DCSTAMP: variants seen among roughly 807,000 people sequenced by gnomAD.
The protein encoded by DCSTAMP is dendrocyte expressed seven transmembrane protein.
DCSTAMP carries 25 observed loss-of-function variants against 33.8 expected under a neutral mutation model. The ratio of observed to expected loss-of-function variants is 0.74; its 90% CI spans 0.54 to 1.03. The LOEUF (loss-of-function observed/expected upper bound fraction) is 1.03, where lower values mean the gene tolerates loss of function less well. DCSTAMP is among the 50% of genes least tolerant of loss of function. The pLI is 0.00. For missense variants in DCSTAMP, 531 were observed against 556.8 expected (o/e 0.95, Z 0.47); for synonymous variants, 245 against 216.7 (o/e 1.13, Z -1.15).
rs1253233088 is a variant in DCSTAMP, at chr8:104,348,582, C to A, written c.30C>A (p.Ile10=). MGIWTSGTD[I]FLSLWEIYVS... ...GTATCTGGACCTCAGGCACTGATAT[C>A]TTCCTAAGTCTTTGGGAGATTTACG... The change falls in exon 2 of 4, where the codon ATC becomes ATA. Residue 10 remains isoleucine (I), a synonymous_variant. Coordinates refer to ENST00000297581, the MANE Select transcript of DCSTAMP (RefSeq NM_030788.4). 3 of 1,614,114 alleles carry A rather than the reference C, an allele frequency of 1.9e-6. No individual in the cohort carries two copies. The highest frequency in any genetic ancestry group is 2.5e-6 in the Non-Finnish European group (3 of 1,179,990).
intron 3 of DCSTAMP, 24 bp downstream of exon 3, chr8:104,355,209 C>T (rs766944455): frequency 8.2e-6 from 13 of 1,584,026 alleles, no homozygotes; most frequent in Non-Finnish European, 1.0e-5. Context: ...GGTGGTGTAA[C>T]CTCCAATTGA....
chr8:104,346,661 C>T (rs66470723), intron 1 of DCSTAMP, among the ~76,000 whole-genome samples: 17,522 of 152,250 alleles, frequency 0.12, 1,083 homozygotes, highest in Admixed American at 0.16. Flanking sequence ...AACACTCAGG[C>T]TCGCCTCATA....
chr8:104,352,858 G>A (rs1810503768), intron 2 of DCSTAMP, among the ~76,000 whole-genome samples: 1 of 152,120 alleles, frequency 6.6e-6, no homozygotes, highest in Admixed American at 6.5e-5. Flanking sequence ...GCTGTGTCTG[G>A]GAGACTGTGC....
chr8:104,347,759 T>C (rs1183188167), intron 1 of DCSTAMP, among the ~76,000 whole-genome samples: 1 of 152,146 alleles, frequency 6.6e-6, no homozygotes, highest in Non-Finnish European at 1.5e-5. Context: ...CCTGGTATAA[T>C]AGGCTCAAAA....
At chr8:104,342,750 C>T (rs988360044) in intron 1 of DCSTAMP, among the ~76,000 whole-genome samples, 1 of 152,248 alleles carries the variant, frequency 6.6e-6, no homozygotes, top group African/African-American at 2.4e-5. Context: ...CACTTTTCTT[C>T]CCCATCCCTG....
At chr8:104,347,881 A>T (rs527407615) in intron 1 of DCSTAMP, among the ~76,000 whole-genome samples, 1 of 152,330 alleles carries the variant, frequency 6.6e-6, no homozygotes, top group East Asian at 1.9e-4. Flanking sequence ...ATTATCCCAG[A>T]TTATCTGGGT....
Position 104,349,715 on chromosome 8 carries a change from C to T in DCSTAMP, c.1029+134C>T, listed in dbSNP as rs914158684. 1.6e-5 allele frequency: 16 copies of T among 991,852 alleles called. No individual in the cohort carries two copies. In the East Asian group the frequency reaches 3.7e-4, roughly 23 times the overall value. 61.4% of individuals were successfully genotyped at this position (991,852 alleles called of 1,614,324 possible). A position where few individuals can be genotyped will look rare whatever the true frequency, so the allele number is the denominator to read the frequency against. On this transcript the variant is annotated intron_variant, in intron 2 of 3. Coordinates refer to ENST00000297581, the MANE Select transcript of DCSTAMP (RefSeq NM_030788.4). ...CCTTGGTGCCCAGCATAGTGCTTGG[C>T]ACATAGAAGGAACCCAACAATTGCA... is the stretch of plus-strand genomic sequence containing the variant.
At position 104,355,039 on chromosome 8, in the gene DCSTAMP, A is replaced by G. The variant is rs1413350521; in HGVS notation, c.1192A>G (p.Met398Val). ...GCTGGGACTGTTGTCCTCTATCCTTATGCAACTTAAAATCCTGGTGTCAGC... is the reference window on the plus strand; with the variant it reads ...GCTGGGACTGTTGTCCTCTATCCTTGTGCAACTTAAAATCCTGGTGTCAGC... The part of the protein sequence containing the change: ...VMLGLLSSIL[M>V]QLKILVSASF... Residue 398 changes from methionine (M) to valine (V), a missense_variant, in exon 3 of 4, where the codon ATG becomes GTG. By Grantham distance (21) the Met-to-Val change is conservative. Transcript: ENST00000297581. The G allele has an allele frequency of 1.2e-6, 2 of 1,614,110 alleles. No homozygotes were observed. The highest frequency in any genetic ancestry group is 3.3e-5 in the Admixed American group (2 of 60,010).
At position 104,355,143 on chromosome 8, in the gene DCSTAMP, G is replaced by A. The variant is rs150633288; in HGVS notation, c.1296G>A (p.Pro432=). Reference sequence around the variant, plus strand: ...TGCTTAAAAAAAGATCAAAGCAGCCGCTGGGAGAAGTCAAAAGACGGCTGA... The same window carrying A: ...TGCTTAAAAAAAGATCAAAGCAGCCACTGGGAGAAGTCAAAAGACGGCTGA... ...AKLLKKRSKQ[P]LGEVKRRLSL... The change falls in exon 3 of 4, where the codon CCG becomes CCA. Residue 432 remains proline (P), a synonymous_variant. Transcript: ENST00000297581. 7.3e-5 allele frequency: 118 copies of A among 1,613,864 alleles called. No individual in the cohort carries two copies. Among genetic ancestry groups the A allele is most frequent in the Non-Finnish European group, 3.4e-5 (40 of 1,179,996 alleles).
Position 104,340,981 on chromosome 8 carries a change from G to A in DCSTAMP, c.-13+1119G>A, listed in dbSNP as rs190567776. On this transcript the variant is annotated intron_variant, in intron 1 of 3. Transcript: ENST00000297581. ...TGTTGAGCATAAGCCATTGGCTTCT[G>A]CACAGGCAGAGTCAGAATGAACTGG... is the stretch of plus-strand genomic sequence containing the variant. Among the ~76,000 whole-genome samples the A allele has an allele frequency of 5.4e-3, 816 of 152,314 alleles. 6 individuals carry two copies. The highest frequency in any genetic ancestry group is 0.018 in the African/African-American group (735 of 41,574).
intron 3 of DCSTAMP, among the ~76,000 whole-genome samples, chr8:104,355,698 G>A (rs762935010): frequency 1.2e-4 from 19 of 152,002 alleles, no homozygotes; most frequent in East Asian, 5.8e-4. Flanking sequence ...AAAATTTTAC[G>A]TAATTTAATA....
chr8:104,355,734 A>G (rs1360969533), intron 3 of DCSTAMP, among the ~76,000 whole-genome samples: 1 of 152,234 alleles, frequency 6.6e-6, no homozygotes, highest in Non-Finnish European at 1.5e-5. Context: ...GGGAATGGTA[A>G]GAAAAATTAG....
intron 2 of DCSTAMP, among the ~76,000 whole-genome samples, chr8:104,353,932 C>T (rs1267973774): frequency 6.6e-6 from 1 of 152,216 alleles, no homozygotes; most frequent in Non-Finnish European, 1.5e-5. Flanking sequence ...CCATTAACTC[C>T]TGTTTTGCCA....
chr8:104,356,297 G>C lies in DCSTAMP; in HGVS notation c.*99G>C. The C allele has an allele frequency of 8.2e-7, 1 of 1,214,124 alleles. No homozygotes were observed. Among genetic ancestry groups the C allele is most frequent in the Non-Finnish European group, 1.1e-6 (1 of 890,768 alleles). The allele number at this position is 1,214,124 out of a possible 1,614,324, so 75.2% of individuals were successfully genotyped here. ...GCCGGATAATAGAGAACTATGTGAC[G>C]CAGTCCTCTCAGGAGTCTGAGTTTA... On this transcript the variant is annotated 3_prime_UTR_variant, in exon 4 of 4. Transcript: ENST00000297581.
intron 1 of DCSTAMP, among the ~76,000 whole-genome samples, chr8:104,341,244 G>A (rs900656079): frequency 1.4e-4 from 22 of 152,216 alleles, no homozygotes; most frequent in African/African-American, 5.3e-4. Flanking sequence ...AAGCTCCTAG[G>A]GTGGGCCATT....
chr8:104,356,274 C>T lies in DCSTAMP; in HGVS notation c.*76C>T, dbSNP rs1366385458. ...CTAGGATGGCAGTCACTATTCATGC[C>T]GGATAATAGAGAACTATGTGACGCA... On this transcript the variant is annotated 3_prime_UTR_variant, in exon 4 of 4. Transcript: ENST00000297581. 1.2e-5 allele frequency: 17 copies of T among 1,422,988 alleles called. No homozygotes were observed. Among genetic ancestry groups the T allele is most frequent in the Admixed American group, 4.3e-5 (2 of 46,778 alleles). 88.1% of individuals were successfully genotyped at this position (1,422,988 alleles called of 1,614,324 possible). A position where few individuals can be genotyped will look rare whatever the true frequency, so the allele number is the denominator to read the frequency against.
At chr8:104,350,029 ATC>A (rs1348507059) in intron 2 of DCSTAMP, among the ~76,000 whole-genome samples, 1 of 152,006 alleles carries the variant, frequency 6.6e-6, no homozygotes, top group African/African-American at 2.4e-5. Context: ...CATGTGGAAA[ATC>A]TCTCTCTGCC....
intron 1 of DCSTAMP, among the ~76,000 whole-genome samples, chr8:104,345,746 C>A (rs531013134): frequency 2.6e-5 from 4 of 152,262 alleles, no homozygotes; most frequent in African/African-American, 7.2e-5. Flanking sequence ...AGGAAGGAAG[C>A]AAAATGGTGC....
intron 2 of DCSTAMP, among the ~76,000 whole-genome samples, chr8:104,350,936 G>A (rs1483672008): frequency 1.3e-5 from 2 of 152,160 alleles, no homozygotes; most frequent in African/African-American, 4.8e-5. Flanking sequence ...AGCCAAGATT[G>A]AGAACCCCTG....
Sources: gnomAD v4.1 joint callset for allele counts (sites outside exome capture counted in the v4.1 genomes callset) on GRCh38, gnomAD v4.1.1 for gene constraint, MANE v1.5 for transcripts, NCBI Gene and HGNC (gene_info 2026-07-23, HGNC 2026-07-21) for gene names.